The following FSIP2 variants were observed in gnomAD, a reference collection of about 807,000 sequenced individuals.
FSIP2 encodes the protein fibrous sheath-interacting protein 2.
Under a neutral mutation model 510.5 loss-of-function variants are expected in FSIP2, and 367 were observed. That is an observed-to-expected ratio of 0.72 (90% CI 0.66 to 0.78). FSIP2 has a LOEUF of 0.78. Ranked by LOEUF, FSIP2 falls within the 30% of genes least tolerant of loss-of-function variation. The pLI, the probability that FSIP2 is intolerant of heterozygous loss-of-function variation, is 0.00. For synonymous variants in FSIP2, 2,601 were observed against 2,732.2 expected (o/e 0.95, Z 1.50); for missense variants, 7,594 against 7,901.7 (o/e 0.96, Z 1.48).
chr2:185,819,083 G>A (rs917753035), intron 19 of FSIP2, among the ~76,000 whole-genome samples: 3 of 151,792 alleles, frequency 2.0e-5, no homozygotes, highest in Non-Finnish European at 4.4e-5. Flanking sequence ...AATGGGTAGG[G>A]GGCAAATGTG....
At position 185,805,462 on chromosome 2, in the gene FSIP2, C is replaced by A. The variant is rs549952474; in HGVS notation, c.16156C>A (p.Gln5386Lys). ...IAIGMIAALT[Q>K]KAISAFRIQP... is the part of the protein sequence containing the mutation. ...TATAGGGATGATTGCTGCTCTAACCCAGAAGGCAATATCTGCATTCAGGAT... is the reference window on the plus strand; with the variant it reads ...TATAGGGATGATTGCTGCTCTAACCAAGAAGGCAATATCTGCATTCAGGAT... Residue 5386 changes from glutamine (Q) to lysine (K), a missense_variant, in exon 17 of 23, where the codon CAG (glutamine) becomes AAG (lysine). Gln to Lys is a moderately conservative substitution (Grantham distance 53, BLOSUM62 1). Transcript: ENST00000424728. The A allele has an allele frequency of 6.2e-7, 1 of 1,611,304 alleles. No individual in the cohort carries two copies. The highest frequency in any genetic ancestry group is 2.2e-5 in the East Asian group (1 of 44,774).
chr2:185,792,178 A>G lies in FSIP2; in HGVS notation c.5042A>G (p.Tyr1681Cys). The change falls in exon 16 of 23, where the codon TAT (tyrosine) becomes TGT (cysteine). Residue 1681 changes from tyrosine to cysteine, a missense_variant. By Grantham distance (194) the Tyr-to-Cys change is radical. Transcript: ENST00000424728. ...NPPPETQILK[Y>C]VVKLILDAVS... Reference sequence around the variant, plus strand: ...CCACCTGAGACTCAAATACTTAAGTATGTAGTCAAGTTAATTTTAGATGCA... The same window carrying G: ...CCACCTGAGACTCAAATACTTAAGTGTGTAGTCAAGTTAATTTTAGATGCA... The G allele has an allele frequency of 6.5e-7, 1 of 1,532,164 alleles. No individual in the cohort carries two copies. 94.9% of individuals were successfully genotyped at this position (1,532,164 alleles called of 1,614,324 possible).
At position 185,788,978 on chromosome 2, in the gene FSIP2, A is replaced by G. The variant is rs1020277733; in HGVS notation, c.1842A>G (p.Thr614=). The part of the protein sequence containing the change: ...AHVEKTVVGK[T]CHIKGQSIIS... ...TGGAAAAAACAGTTGTGGGGAAAAC[A>G]TGTCACATAAAAGGACAATCTATAA... is the stretch of plus-strand genomic sequence containing the variant. Residue 614 remains threonine (T), a synonymous_variant, in exon 16 of 23, where the codon ACA becomes ACG. Coordinates refer to ENST00000424728, the MANE Select transcript of FSIP2 (RefSeq NM_173651.4). The G allele has an allele frequency of 2.6e-6, 4 of 1,534,506 alleles. No individual in the cohort carries two copies. Among genetic ancestry groups the G allele is most frequent in the Middle Eastern group, 1.7e-4 (1 of 6,010 alleles).
chr2:185,758,544 AT>A (rs2105552482), intron 9 of FSIP2, among the ~76,000 whole-genome samples: 1 of 151,374 alleles, frequency 6.6e-6, no homozygotes, highest in Non-Finnish European at 1.5e-5. Flanking sequence ...AATGTAATGT[AT>A]TTACTATTAA....
chr2:185,766,892 A>G (rs1692497098), intron 13 of FSIP2, among the ~76,000 whole-genome samples: 1 of 124,254 alleles, frequency 8.0e-6, no homozygotes, highest in African/African-American at 3.1e-5. Flanking sequence ...GGCATTATTC[A>G]CAATAGCAAA....
At chr2:185,819,466 G>C (rs569327459) in intron 19 of FSIP2, among the ~76,000 whole-genome samples, 58 of 151,906 alleles carry the variant, frequency 3.8e-4, no homozygotes, top group African/African-American at 1.3e-3. Context: ...TTAGATCTAA[G>C]AATACATGTA....
intron 13 of FSIP2, among the ~76,000 whole-genome samples, chr2:185,777,660 T>C (rs1692755566): frequency 6.6e-6 from 1 of 152,158 alleles, no homozygotes; most frequent in Admixed American, 6.5e-5. Flanking sequence ...GTTAAGGCTA[T>C]CATATTTTTT....
chr2:185,795,513 C>A lies in FSIP2; in HGVS notation c.8377C>A (p.Pro2793Thr). The A allele has an allele frequency of 6.5e-7, 1 of 1,534,534 alleles. No individual in the cohort carries two copies. Among genetic ancestry groups the A allele is most frequent in the Non-Finnish European group, 8.7e-7 (1 of 1,145,930 alleles). Residue 2793 changes from proline to threonine, a missense_variant, in exon 16 of 23, where the codon CCG becomes ACG. Pro to Thr is a conservative substitution (Grantham distance 38, BLOSUM62 -1). Coordinates refer to ENST00000424728, the MANE Select transcript of FSIP2 (RefSeq NM_173651.4). ...YVTNNCNLAY[P>T]MKSSHLRLSQ... is the part of the protein sequence containing the mutation. Reference sequence around the variant, plus strand: ...TACCAATAACTGCAATTTGGCTTACCCGATGAAATCCTCACATCTCAGACT... The same window carrying A: ...TACCAATAACTGCAATTTGGCTTACACGATGAAATCCTCACATCTCAGACT...
In FSIP2 at chr2:185,800,608, T is replaced by C; in HGVS notation, c.11302T>C (p.Cys3768Arg). 2 of 1,532,326 alleles carry C rather than the reference T, an allele frequency of 1.3e-6. No homozygotes were observed. The highest frequency in any genetic ancestry group is 1.7e-6 in the Non-Finnish European group (2 of 1,145,182). 94.9% of individuals were successfully genotyped at this position (1,532,326 alleles called of 1,614,324 possible). ...ACTTATCAGAATACTTTTGGAAGAATGCACAAGCACTGCTTTTCCTGATAA... is the reference window on the plus strand; with the variant it reads ...ACTTATCAGAATACTTTTGGAAGAACGCACAAGCACTGCTTTTCCTGATAA... ...EKLIRILLEECTSTAFPDKGS... is the reference protein window; with the variant it reads ...EKLIRILLEERTSTAFPDKGS... The change falls in exon 17 of 23, where the codon TGC becomes CGC. Residue 3768 changes from cysteine (C) to arginine (R), a missense_variant. Cys to Arg is a radical substitution (Grantham distance 180, BLOSUM62 -3). Transcript: ENST00000424728.
chr2:185,826,041 T>C (rs914425292), intron 20 of FSIP2, among the ~76,000 whole-genome samples: 4 of 151,834 alleles, frequency 2.6e-5, no homozygotes, highest in Non-Finnish European at 5.9e-5. Flanking sequence ...GCCTCCAGTA[T>C]ACAGTGTCAT....
In FSIP2 at chr2:185,751,461, C is replaced by CTCTGTGTG. The variant is rs368632994; in HGVS notation, c.871-2260_871-2259insCTGTGTGT. Among the ~76,000 whole-genome samples the CTCTGTGTG allele has an allele frequency of 3.0e-3, 414 of 135,870 alleles. 2 individuals are homozygous for CTCTGTGTG. Among genetic ancestry groups the CTCTGTGTG allele is most frequent in the African/African-American group, 9.3e-3 (344 of 36,948 alleles). The allele number at this position is 135,870 out of a possible 152,430, so 89.1% of individuals were successfully genotyped here. Reference sequence around the variant, plus strand: ...AGACCAAATTTGGGTCTTTATTTTTCTGTGTGTGTGTGTGTGTGTGTGTGT... The same window carrying CTCTGTGTG: ...AGACCAAATTTGGGTCTTTATTTTTCTCTGTGTGTGTGTGTGTGTGTGTGTGTGTGTGT... On this transcript the variant is annotated intron_variant, in intron 7 of 22. Transcript: ENST00000424728.
chr2:185,827,960 C>T (rs1053720607), intron 20 of FSIP2, among the ~76,000 whole-genome samples, 196 bp from the exon 21 acceptor site: 1 of 151,786 alleles, frequency 6.6e-6, no homozygotes, highest in African/African-American at 2.4e-5. Flanking sequence ...AGGGCTAAGA[C>T]GTCCCAATAT....
chr2:185,786,018 G>A (rs1291398300), intron 14 of FSIP2, among the ~76,000 whole-genome samples: 1 of 151,850 alleles, frequency 6.6e-6, no homozygotes, highest in East Asian at 1.9e-4. Context: ...CACTGTTTAT[G>A]CAGCAGCTAT....
chr2:185,809,791 C>G (rs1337597834), intron 17 of FSIP2, among the ~76,000 whole-genome samples: 1 of 151,874 alleles, frequency 6.6e-6, no homozygotes, highest in Non-Finnish European at 1.5e-5. Flanking sequence ...TTTTTATGAG[C>G]CTCTTCCCTA....
rs1376771791 is a variant in FSIP2, at chr2:185,795,089, C to A, written c.7953C>A (p.Ser2651Arg). Residue 2651 changes from serine (S) to arginine (R), a missense_variant, in exon 16 of 23, where the codon AGC becomes AGA. Physicochemically the swap from Ser to Arg is moderately radical, Grantham distance 110 (BLOSUM62 -1). Transcript: ENST00000424728. ...TTGTCTCACTTCCTTTAAAGGTGAG[C>A]CCTAAGGACAACCCTAAGCCATGCT... The part of the protein sequence containing the change: ...TNFVSLPLKV[S>R]PKDNPKPCFK... The A allele has an allele frequency of 2.6e-6, 4 of 1,534,614 alleles. No individual in the cohort carries two copies. In the South Asian group the frequency reaches 4.8e-5, roughly 18 times the overall value.
At position 185,807,464 on chromosome 2, in the gene FSIP2, G is replaced by T. The variant is rs1199680857; in HGVS notation, c.18158G>T (p.Ser6053Ile). ...AATTTCCTTCAAATGAAGTTAGTAA[G>T]TGCAGTTGCAACAGAGATCTCCCAA... ...ELNFLQMKLV[S>I]AVATEISQDK... The change falls in exon 17 of 23, where the codon AGT becomes ATT. Residue 6053 changes from serine (S) to isoleucine (I), a missense_variant. Transcript: ENST00000424728. 6.2e-7 allele frequency: 1 copy of T among 1,612,466 alleles called. No homozygotes were observed. The highest frequency in any genetic ancestry group is 8.5e-7 in the Non-Finnish European group (1 of 1,179,232).
intron 1 of FSIP2, 102 bp downstream of exon 1, chr2:185,739,095 T>TC (rs1455653089): frequency 2.2e-6 from 3 of 1,378,610 alleles, no homozygotes; most frequent in Admixed American, 2.7e-5. Context: ...CTCCCAACTG[T>TC]CCCCCGTCAG....
At position 185,805,986 on chromosome 2, in the gene FSIP2, T is replaced by C; in HGVS notation, c.16680T>C (p.Asn5560=). The C allele has an allele frequency of 6.4e-7, 1 of 1,560,338 alleles. No individual in the cohort carries two copies. The highest frequency in any genetic ancestry group is 1.2e-5 in the South Asian group (1 of 82,058). ...TQEPNLSETF[N]NNEIEKKRNL... is the part of the protein sequence containing the mutation. ...AGCCAAATTTGAGTGAAACATTTAA[T>C]AATAATGAAATTGAGAAGAAAAGAA... Residue 5560 remains asparagine, a synonymous_variant, in exon 17 of 23, where the codon AAT becomes AAC. Coordinates refer to ENST00000424728, the MANE Select transcript of FSIP2 (RefSeq NM_173651.4).
intron 19 of FSIP2, among the ~76,000 whole-genome samples, chr2:185,819,568 C>T (rs1434590743): frequency 2.0e-5 from 3 of 151,790 alleles, no homozygotes; most frequent in Non-Finnish European, 1.5e-5. Context: ...ATAACGGCAT[C>T]AATTTACCAG....
Sources: allele counts gnomAD v4.1 joint callset (sites outside exome capture counted in the v4.1 genomes callset), GRCh38; gene constraint gnomAD v4.1.1; transcripts MANE v1.5; gene names NCBI Gene and HGNC (gene_info 2026-07-23, HGNC 2026-07-21).